Variants in CENPP observed in about 807,000 individuals in gnomAD.
The protein encoded by CENPP is centromere protein P.
CENPP carries 24 observed loss-of-function variants against 35.6 expected under a neutral mutation model. That is an observed-to-expected ratio of 0.67 (90% CI 0.49 to 0.95). CENPP has a LOEUF of 0.95. Ranked by LOEUF, CENPP falls within the 40% of genes least tolerant of loss-of-function variation. The probability of loss-of-function intolerance (pLI) is 0.00; values close to 1 mark genes in which losing one functional copy is unlikely to be tolerated. For missense variants in CENPP, 332 were observed against 345.3 expected (o/e 0.96, Z 0.31); for synonymous variants, 120 against 125.5 (o/e 0.96, Z 0.29).
chr9:92,578,651 GT>G (rs1368090622), intron 5 of CENPP, among the ~76,000 whole-genome samples: 5 of 151,994 alleles, frequency 3.3e-5, no homozygotes, highest in Admixed American at 2.6e-4. Flanking sequence ...GGGGTTGTTT[GT>G]TTTTTTCTTG....
chr9:92,481,537 G>C (rs1845911859), intron 5 of CENPP, among the ~76,000 whole-genome samples: 1 of 152,156 alleles, frequency 6.6e-6, no homozygotes, highest in Non-Finnish European at 1.5e-5. Flanking sequence ...TTACTAGGGA[G>C]TAGAATATTG....
chr9:92,403,486 G>A, intron 5 of CENPP: 1 of 1,505,284 alleles, frequency 6.6e-7, no homozygotes, highest in South Asian at 1.4e-5. Context: ...TTTTTCCCTG[G>A]AAATAAAAAT....
chr9:92,466,684 A>G (rs1845327233), intron 5 of CENPP: 1 of 953,332 alleles, frequency 1.0e-6, no homozygotes, highest in East Asian at 2.4e-5. Flanking sequence ...GTGGTGTACT[A>G]GATCACCCAT....
chr9:92,457,191 T>C, intron 5 of CENPP: 1 of 1,465,258 alleles, frequency 6.8e-7, no homozygotes, highest in Non-Finnish European at 9.0e-7. Flanking sequence ...GATATTTGCT[T>C]GTATATATAA....
intron 5 of CENPP, among the ~76,000 whole-genome samples, chr9:92,485,941 C>A (rs1846045661): frequency 6.6e-6 from 1 of 152,224 alleles, no homozygotes; most frequent in Non-Finnish European, 1.5e-5. Context: ...TTTGAATTTT[C>A]TGATGTTCTT....
chr9:92,562,023 G>C (rs537349787), intron 5 of CENPP, among the ~76,000 whole-genome samples: 1 of 152,260 alleles, frequency 6.6e-6, no homozygotes, highest in South Asian at 2.1e-4. Context: ...AACAGACACT[G>C]AAAGACATGT....
chr9:92,336,128 G>C (rs1362294906), intron 2 of CENPP, among the ~76,000 whole-genome samples: 1 of 152,034 alleles, frequency 6.6e-6, no homozygotes, highest in Non-Finnish European at 1.5e-5. Flanking sequence ...AGACATATTT[G>C]AAGACCACTT....
intron 5 of CENPP, among the ~76,000 whole-genome samples, chr9:92,556,317 A>G (rs530572213): frequency 6.6e-6 from 1 of 152,242 alleles, no homozygotes; most frequent in South Asian, 2.1e-4. Flanking sequence ...CATATGGTCT[A>G]TCTTGGAGAA....
chr9:92,493,948 A>T, intron 5 of CENPP: 1 of 686,710 alleles, frequency 1.5e-6, no homozygotes, highest in South Asian at 2.0e-5. Flanking sequence ...TCTGCTGTTA[A>T]TCCAGGCCGT....
chr9:92,504,964 G>A (rs1846909626), intron 5 of CENPP, among the ~76,000 whole-genome samples: 1 of 152,192 alleles, frequency 6.6e-6, no homozygotes, highest in Non-Finnish European at 1.5e-5. Flanking sequence ...AGAGGATAAT[G>A]AAGCAAGGCT....
intron 5 of CENPP, among the ~76,000 whole-genome samples, chr9:92,443,122 A>C (rs1844463514): frequency 6.6e-6 from 1 of 152,204 alleles, no homozygotes; most frequent in African/African-American, 2.4e-5. Flanking sequence ...AATAAAAACT[A>C]ACTTTAATTA....
chr9:92,460,461 T>C lies in CENPP; in HGVS notation c.564+80602T>C, dbSNP rs569074049. The C allele has an allele frequency of 9.9e-6, 15 of 1,517,448 alleles. No individual in the cohort carries two copies. In the African/African-American group the frequency reaches 1.5e-4, roughly 15 times the overall value. 94.0% of individuals were successfully genotyped at this position (1,517,448 alleles called of 1,614,324 possible). A position where few individuals can be genotyped will look rare whatever the true frequency, so the allele number is the denominator to read the frequency against. On this transcript the variant is annotated intron_variant, in intron 5 of 7. Coordinates refer to ENST00000375587, the MANE Select transcript of CENPP (RefSeq NM_001012267.3). The stretch of plus-strand genomic sequence containing the variant: ...GAGGTATCATTCTAAGTTAAAATTT[T>C]GGGAACGTTTACCTTTGTAGTTCTT...
At chr9:92,361,785 A>G (rs1028497045) in intron 4 of CENPP, among the ~76,000 whole-genome samples, 1 of 152,186 alleles carries the variant, frequency 6.6e-6, no homozygotes, top group Non-Finnish European at 1.5e-5. Flanking sequence ...CCCGGCTCAA[A>G]TGTGCAGTTT....
chr9:92,415,308 A>G (rs934962047), intron 5 of CENPP: 23 of 1,613,574 alleles, frequency 1.4e-5, no homozygotes, highest in African/African-American at 8.0e-5. Context: ...GTATTGTTTG[A>G]CCATTAGTGC....
At chr9:92,499,100 C>T (rs1020703883) in intron 5 of CENPP, among the ~76,000 whole-genome samples, 9 of 152,138 alleles carry the variant, frequency 5.9e-5, no homozygotes, top group African/African-American at 2.2e-4. Context: ...CTGAGGCCCA[C>T]GTGTGCCCAA....
chr9:92,439,085 C>T (rs1247302634), intron 5 of CENPP, among the ~76,000 whole-genome samples: 1 of 152,146 alleles, frequency 6.6e-6, no homozygotes, highest in Non-Finnish European at 1.5e-5. Context: ...GATTTTTTTG[C>T]ATATGAAGCA....
At chr9:92,566,569 T>A (rs10992368) in intron 5 of CENPP, among the ~76,000 whole-genome samples, 9,278 of 152,198 alleles carry the variant, frequency 0.061, 406 homozygotes, top group Middle Eastern at 0.24. Context: ...AGAACTACAA[T>A]AACTGAAATG....
At chr9:92,500,592 A>T (rs1043699682) in intron 5 of CENPP, 1 of 818,688 alleles carries the variant, frequency 1.2e-6, no homozygotes, top group African/African-American at 1.7e-5. Context: ...AACATTTGCC[A>T]ATCTTGTTTA....
At chr9:92,611,650 G>A (rs543987397) in intron 6 of CENPP, among the ~76,000 whole-genome samples, 1 of 152,284 alleles carries the variant, frequency 6.6e-6, no homozygotes, top group East Asian at 1.9e-4. Flanking sequence ...TCAAGGAAGG[G>A]AGGCTGGGAG....
Sources: gnomAD v4.1 joint callset for allele counts (sites outside exome capture counted in the v4.1 genomes callset) on GRCh38, gnomAD v4.1.1 for gene constraint, MANE v1.5 for transcripts, NCBI Gene and HGNC (gene_info 2026-07-23, HGNC 2026-07-21) for gene names.